ABCA5: variants seen among roughly 807,000 people sequenced by gnomAD.
The protein encoded by ABCA5 is ATP binding cassette subfamily A member 5.
ABCA5 carries 163 observed loss-of-function variants against 206.0 expected under a neutral mutation model. The observed-to-expected ratio is 0.79, with a 90% CI of 0.70 to 0.90. The LOEUF is 0.90. Ranked by LOEUF, ABCA5 falls within the 40% of genes least tolerant of loss-of-function variation. The pLI is 0.00. For synonymous variants in ABCA5, 609 were observed against 613.8 expected (o/e 0.99, Z 0.11); for missense variants, 1,859 against 1,912.9 (o/e 0.97, Z 0.53).
chr17:69,259,279 T>C (rs538287895), intron 28 of ABCA5, among the ~76,000 whole-genome samples: 1 of 152,194 alleles, frequency 6.6e-6, no homozygotes, highest in East Asian at 1.9e-4. Flanking sequence ...TGTAAAACCA[T>C]ATGCTAGATA....
chr17:69,322,396 T>C (rs1407458286), intron 1 of ABCA5, among the ~76,000 whole-genome samples: 1 of 140,722 alleles, frequency 7.1e-6, no homozygotes, highest in Non-Finnish European at 1.5e-5. Flanking sequence ...AAGTGCTGGT[T>C]ACTACGTTCC....
chr17:69,293,886 T>TGTGTGTGTTTG (rs1567771944), intron 11 of ABCA5, among the ~76,000 whole-genome samples: 2 of 64,824 alleles, frequency 3.1e-5, no homozygotes, highest in East Asian at 4.6e-4. Context: ...GTGTGTGTGT[T>TGTGTGTGTTTG]TGTGTGTGTG....
chr17:69,284,429 A>G (rs1252875073), intron 17 of ABCA5, among the ~76,000 whole-genome samples: 3 of 152,096 alleles, frequency 2.0e-5, no homozygotes, highest in African/African-American at 4.8e-5. Context: ...ACCATATTAT[A>G]TCTATATCAT....
chr17:69,308,486 C>A, intron 4 of ABCA5, 118 bp from the exon 5 acceptor site: 2 of 558,122 alleles, frequency 3.6e-6, no homozygotes, highest in Non-Finnish European at 3.1e-6. Flanking sequence ...CTTTACAGGA[C>A]CAAAGAAATA....
intron 9 of ABCA5, among the ~76,000 whole-genome samples, chr17:69,298,358 A>AGAAG (rs2075614748): frequency 2.1e-5 from 1 of 48,224 alleles, no homozygotes; most frequent in Non-Finnish European, 5.5e-5. Flanking sequence ...AAAGAAGGAA[A>AGAAG]GAAAGGGCAT....
chr17:69,310,889 A>C (rs2075762016), intron 3 of ABCA5, among the ~76,000 whole-genome samples: 1 of 152,236 alleles, frequency 6.6e-6, no homozygotes. Flanking sequence ...AGTAACAAAC[A>C]TCAAAACGCT....
intron 1 of ABCA5, among the ~76,000 whole-genome samples, chr17:69,322,363 C>CAAAAAAAA (rs3029978): frequency 1.7e-4 from 9 of 52,378 alleles, no homozygotes; most frequent in Admixed American, 2.8e-4. Flanking sequence ...GATTCCGTCT[C>CAAAAAAAA]AAAAAAAAAA....
intron 11 of ABCA5, among the ~76,000 whole-genome samples, chr17:69,293,871 T>TGTGTGC (rs1555581962): frequency 2.1e-4 from 24 of 115,370 alleles, no homozygotes; most frequent in South Asian, 8.8e-4. Flanking sequence ...TGTGTGTGTG[T>TGTGTGC]GCGTGTGTGT....
chr17:69,274,136 G>T lies in ABCA5; in HGVS notation c.2595-8C>A. On this transcript the variant is annotated splice_polypyrimidine_tract_variant and splice_region_variant and intron_variant, in intron 19 of 38. Coordinates refer to ENST00000392676, the MANE Select transcript of ABCA5 (RefSeq NM_172232.4). Reference sequence around the variant, plus strand: ...ATTAAAAGCAGAAGCAACCTGAAAAGAAAAAAAAAACAACACAGCTCAGGG... The same window carrying T: ...ATTAAAAGCAGAAGCAACCTGAAAATAAAAAAAAAACAACACAGCTCAGGG... The T allele has an allele frequency of 7.2e-7, 1 of 1,382,550 alleles. No individual in the cohort carries two copies. Among genetic ancestry groups the T allele is most frequent in the Non-Finnish European group, 9.6e-7 (1 of 1,042,600 alleles). 85.6% of individuals were successfully genotyped at this position (1,382,550 alleles called of 1,614,324 possible). A position where few individuals can be genotyped will look rare whatever the true frequency, so the allele number is the denominator to read the frequency against.
chr17:69,269,018 C>G (rs2075242124), intron 22 of ABCA5: 1 of 152,076 alleles, frequency 6.6e-6, no homozygotes, highest in Non-Finnish European at 1.5e-5. Context: ...ACAGTTGGAT[C>G]CAATCATACA....
At chr17:69,321,125 CAG>C (rs1305091431) in intron 1 of ABCA5, among the ~76,000 whole-genome samples, 2 of 152,136 alleles carry the variant, frequency 1.3e-5, no homozygotes, top group Non-Finnish European at 2.9e-5. Context: ...ACTAGCCTAA[CAG>C]GGAGTTAGGG....
intron 9 of ABCA5, among the ~76,000 whole-genome samples, chr17:69,299,469 CAT>C (rs1202550980): frequency 2.1e-5 from 3 of 139,964 alleles, no homozygotes; most frequent in African/African-American, 8.0e-5. Flanking sequence ...CACACACACA[CAT>C]ACACACACAC....
chr17:69,261,025 C>T, intron 26 of ABCA5, 100 bp downstream of exon 26: 1 of 956,488 alleles, frequency 1.0e-6, no homozygotes, highest in Non-Finnish European at 1.5e-6. Context: ...AGCCATTAGC[C>T]CAATGCATTT....
chr17:69,290,089 T>G, intron 12 of ABCA5, 52 bp from the exon 13 acceptor site: 2 of 1,232,292 alleles, frequency 1.6e-6, no homozygotes, highest in Non-Finnish European at 2.2e-6. Flanking sequence ...ATAATGTGTA[T>G]GTTTTCAAGT....
chr17:69,294,079 C>T (rs1271833735), intron 11 of ABCA5, among the ~76,000 whole-genome samples: 1 of 152,146 alleles, frequency 6.6e-6, no homozygotes, highest in Non-Finnish European at 1.5e-5. Context: ...ATTGCATATA[C>T]ATGCAAAATA....
intron 35 of ABCA5, chr17:69,251,516 C>A: frequency 5.9e-6 from 3 of 511,808 alleles, no homozygotes; most frequent in Non-Finnish European, 9.7e-6. Context: ...AGTACTATGC[C>A]TAAAAATAAT....
At chr17:69,308,140 T>A in intron 5 of ABCA5, 140 bp downstream of exon 5, 1 of 410,638 alleles carries the variant, frequency 2.4e-6, no homozygotes, top group Non-Finnish European at 4.3e-6. Context: ...GACTTTTTTA[T>A]CTTTTTTCTC....
chr17:69,248,381 A>C, intron 37 of ABCA5, 64 bp from the exon 38 acceptor site: 1 of 932,340 alleles, frequency 1.1e-6, no homozygotes, highest in Non-Finnish European at 1.7e-6. Flanking sequence ...ATACCTACCA[A>C]AGTGGCTAAC....
intron 11 of ABCA5, among the ~76,000 whole-genome samples, chr17:69,294,045 T>G (rs1309570675): frequency 1.3e-5 from 2 of 151,856 alleles, no homozygotes; most frequent in African/African-American, 4.8e-5. Context: ...GCCAAATGAA[T>G]TTTTCAAAAA....
Sources: allele counts gnomAD v4.1 joint callset (sites outside exome capture counted in the v4.1 genomes callset), GRCh38; gene constraint gnomAD v4.1.1; transcripts MANE v1.5; gene names NCBI Gene and HGNC (gene_info 2026-07-23, HGNC 2026-07-21).